The following UBE2U variants were observed in gnomAD, a reference collection of about 807,000 sequenced individuals.
UBE2U encodes ubiquitin conjugating enzyme E2 U, also known as ubiquitin-conjugating enzyme E2 U.
A neutral mutation model predicts 41.2 loss-of-function variants in UBE2U; 39 were observed. The observed-to-expected ratio is 0.95, with a 90% CI of 0.73 to 1.24. The LOEUF is 1.24. Ranked by LOEUF, UBE2U falls within the 50% of genes most tolerant of loss-of-function variation. The pLI, the probability that UBE2U is intolerant of heterozygous loss-of-function variation, is 0.00. For missense variants in UBE2U, 336 were observed against 363.1 expected (o/e 0.93, Z 0.61); for synonymous variants, 107 against 117.8 (o/e 0.91, Z 0.60).
At chr1:64,241,037 A>C (rs2100455498) in intron 7 of UBE2U, among the ~76,000 whole-genome samples, 1 of 152,346 alleles carries the variant, frequency 6.6e-6, no homozygotes, top group South Asian at 2.1e-4. Context: ...TGATCTACTG[A>C]GCATAGCAGA....
intron 8 of UBE2U, among the ~76,000 whole-genome samples, chr1:64,254,190 A>G (rs972980674): frequency 6.6e-6 from 1 of 152,222 alleles, no homozygotes; most frequent in Non-Finnish European, 1.5e-5. Flanking sequence ...TAAAGGGTTC[A>G]ATTTGACAAC....
chr1:64,239,157 A>AAGAAAGAAGAAGAAGAAGAAGAAG, intron 7 of UBE2U, among the ~76,000 whole-genome samples: 7 of 37,050 alleles, frequency 1.9e-4, no homozygotes, highest in African/African-American at 4.2e-4. Context: ...GAAGAAGAAG[A>AAGAAAGAAGAAGAAGAAGAAGAAG]AAGAAGAAGA....
intron 9 of UBE2U, 163 bp from the exon 10 acceptor site, chr1:64,266,861 T>C (rs1553172794): frequency 3.1e-6 from 2 of 637,636 alleles, no homozygotes; most frequent in Non-Finnish European, 5.3e-6. Flanking sequence ...TTTTGACAAA[T>C]AAAGTTACTT....
intron 5 of UBE2U, among the ~76,000 whole-genome samples, chr1:64,218,315 G>A (rs946972898): frequency 9.9e-5 from 15 of 151,998 alleles, no homozygotes; most frequent in African/African-American, 3.4e-4. Flanking sequence ...CTATTTGCTC[G>A]AGTTACGTAC....
chr1:64,219,838 T>C (rs1652311859), intron 5 of UBE2U, among the ~76,000 whole-genome samples: 1 of 152,196 alleles, frequency 6.6e-6, no homozygotes, highest in South Asian at 2.1e-4. Context: ...GACCTCATAA[T>C]CTGCCTGCCT....
chr1:64,257,871 GGAGA>G (rs35822962), intron 8 of UBE2U, among the ~76,000 whole-genome samples: 25,642 of 151,624 alleles, frequency 0.17, 2,476 homozygotes, highest in East Asian at 0.42. Flanking sequence ...CTCAAAGATG[GGAGA>G]GAGTTTTAAA....
intron 6 of UBE2U, among the ~76,000 whole-genome samples, chr1:64,226,476 A>G (rs997729649): frequency 1.3e-5 from 2 of 152,202 alleles, no homozygotes; most frequent in African/African-American, 4.8e-5. Flanking sequence ...AAAACTCATC[A>G]ATCTGTACAC....
chr1:64,242,851 C>A (rs912143032), intron 8 of UBE2U, among the ~76,000 whole-genome samples: 4 of 152,070 alleles, frequency 2.6e-5, no homozygotes, highest in African/African-American at 7.2e-5. Context: ...TTTTAAGTTT[C>A]TTTTAGAGTT....
At chr1:64,244,113 C>T (rs1219825100) in intron 8 of UBE2U, 2 of 1,586,930 alleles carry the variant, frequency 1.3e-6, no homozygotes, top group East Asian at 2.2e-5. Flanking sequence ...TTACTGTGGC[C>T]CTCATTCAAT....
At chr1:64,212,544 G>A (rs1039033217) in intron 4 of UBE2U, among the ~76,000 whole-genome samples, 15 of 152,166 alleles carry the variant, frequency 9.9e-5, no homozygotes, top group South Asian at 6.2e-4. Flanking sequence ...ATTAATTAAT[G>A]TGTGTAAAGA....
At chr1:64,211,226 G>A (rs558309129) in intron 4 of UBE2U, among the ~76,000 whole-genome samples, 45 of 152,234 alleles carry the variant, frequency 3.0e-4, no homozygotes, top group African/African-American at 1.1e-3. Context: ...GAGGTGGATC[G>A]AATGACTACA....
intron 8 of UBE2U, among the ~76,000 whole-genome samples, chr1:64,245,801 C>G (rs927481800): frequency 1.3e-5 from 2 of 152,056 alleles, no homozygotes. Context: ...CAATGGATAA[C>G]CGCTCCTAAG....
At position 64,204,094 on chromosome 1, in the gene UBE2U, A is replaced by G; in HGVS notation, c.44A>G (p.Asp15Gly). The G allele has an allele frequency of 6.2e-7, 1 of 1,613,904 alleles. No individual in the cohort carries two copies. Among genetic ancestry groups the G allele is most frequent in the Non-Finnish European group, 8.5e-7 (1 of 1,179,896 alleles). The part of the protein sequence containing the change: ...AYLLLHRDFC[D>G]LKENNYKGIT... ...CTCTTGCTGCACAGAGACTTCTGTG[A>G]TCTCAAGGAGAACAATTATAAGGTA... Residue 15 changes from aspartate (D) to glycine (G), a missense_variant, in exon 1 of 10, where the codon GAT becomes GGT. Coordinates refer to ENST00000371077, the MANE Select transcript of UBE2U (RefSeq NM_001366232.2).
intron 7 of UBE2U, among the ~76,000 whole-genome samples, chr1:64,240,915 A>C (rs1193527004): frequency 6.6e-6 from 1 of 152,036 alleles, no homozygotes; most frequent in African/African-American, 2.4e-5. Context: ...TTTTTAGTGG[A>C]GATGGGGTTT....
At chr1:64,247,459 G>T (rs1644939932) in intron 8 of UBE2U, among the ~76,000 whole-genome samples, 1 of 152,130 alleles carries the variant, frequency 6.6e-6, no homozygotes, top group Admixed American at 6.5e-5. Context: ...TGGGTCATGG[G>T]GGCAGATCCC....
intron 3 of UBE2U, among the ~76,000 whole-genome samples, chr1:64,207,255 A>G (rs1243906057): frequency 6.6e-6 from 1 of 151,884 alleles, no homozygotes; most frequent in Non-Finnish European, 1.5e-5. Flanking sequence ...GGTTCAATCG[A>G]TTCTCCTGCC....
chr1:64,255,843 C>T (rs752367250), intron 8 of UBE2U, among the ~76,000 whole-genome samples: 42 of 151,136 alleles, frequency 2.8e-4, no homozygotes, highest in Middle Eastern at 3.4e-3. Flanking sequence ...CTTTGTTTGC[C>T]GATACCATGA....
intron 7 of UBE2U, among the ~76,000 whole-genome samples, chr1:64,239,168 AGAAG>A (rs1644777240): frequency 9.7e-5 from 7 of 72,314 alleles, no homozygotes; most frequent in African/African-American, 4.0e-4. Flanking sequence ...AAGAAGAAGA[AGAAG>A]AAGAAGAAGA....
At chr1:64,211,319 A>G (rs911013920) in intron 4 of UBE2U, among the ~76,000 whole-genome samples, 1 of 152,244 alleles carries the variant, frequency 6.6e-6, no homozygotes, top group Non-Finnish European at 1.5e-5. Flanking sequence ...CATCAAACCC[A>G]GTGAACAATT....
Sources: gnomAD v4.1 joint callset for allele counts (sites outside exome capture counted in the v4.1 genomes callset) on GRCh38, gnomAD v4.1.1 for gene constraint, MANE v1.5 for transcripts, NCBI Gene and HGNC (gene_info 2026-07-23, HGNC 2026-07-21) for gene names.